ANKRD13C: variants seen among roughly 807,000 people sequenced by gnomAD.
ANKRD13C encodes the protein ankyrin repeat domain-containing protein 13C.
In ANKRD13C, 16 loss-of-function variants were observed where a neutral mutation model predicts 65.5. That is an observed-to-expected ratio of 0.24 (90% CI 0.17 to 0.37). The LOEUF is 0.37. ANKRD13C is among the 10% of genes least tolerant of loss of function. The pLI is 1.00. For synonymous variants in ANKRD13C, 235 were observed against 238.7 expected (o/e 0.98, Z 0.14); for missense variants, 503 against 655.9 (o/e 0.77, Z 2.55).
At chr1:70,308,738 C>CAAAA (rs781171233) in intron 5 of ANKRD13C, among the ~76,000 whole-genome samples, 187 of 74,146 alleles carry the variant, frequency 2.5e-3, no homozygotes, top group Non-Finnish European at 4.6e-3. Flanking sequence ...GACTCCGTCT[C>CAAAA]AAAAAAAAAA....
chr1:70,334,307 C>G (rs112365848), intron 2 of ANKRD13C, among the ~76,000 whole-genome samples: 1 of 151,964 alleles, frequency 6.6e-6, no homozygotes, highest in Non-Finnish European at 1.5e-5. Context: ...GTTTGGGCAA[C>G]GGAGCAAGAC....
intron 6 of ANKRD13C, among the ~76,000 whole-genome samples, chr1:70,304,828 G>A (rs1476798095): frequency 2.0e-5 from 3 of 152,172 alleles, no homozygotes; most frequent in Admixed American, 2.0e-4. Flanking sequence ...ACAAAAGGCT[G>A]CTGAATTAAA....
chr1:70,326,963 TA>T (rs1234232032), intron 2 of ANKRD13C, among the ~76,000 whole-genome samples: 2 of 151,170 alleles, frequency 1.3e-5, no homozygotes, highest in African/African-American at 4.9e-5. Context: ...TGCTACCTAA[TA>T]AATGTAGAAG....
At chr1:70,265,054 G>C (rs1286180645) in intron 12 of ANKRD13C, among the ~76,000 whole-genome samples, 1 of 152,138 alleles carries the variant, frequency 6.6e-6, no homozygotes, top group Non-Finnish European at 1.5e-5. Context: ...AGGAAGATTA[G>C]CAGGCGATGA....
At chr1:70,303,489 C>T in intron 6 of ANKRD13C, among the ~76,000 whole-genome samples, 1 of 152,198 alleles carries the variant, frequency 6.6e-6, no homozygotes, top group African/African-American at 2.4e-5. Flanking sequence ...TGAAGTAAGA[C>T]AAAAAGTGTA....
At chr1:70,273,674 C>CTT (rs571456040) in intron 11 of ANKRD13C, among the ~76,000 whole-genome samples, 3 of 146,280 alleles carry the variant, frequency 2.1e-5, no homozygotes, top group Non-Finnish European at 4.5e-5. Context: ...TTTCTTTTTT[C>CTT]TTTTTTTTTT....
chr1:70,305,074 A>ATAGTGAGACCC (rs1680532641), intron 6 of ANKRD13C, among the ~76,000 whole-genome samples: 2 of 152,144 alleles, frequency 1.3e-5, no homozygotes, highest in South Asian at 4.2e-4. Context: ...CCTGGGCAAT[A>ATAGTGAGACCC]TAGTGAGACC....
At chr1:70,302,780 TC>T (rs1680432240) in intron 6 of ANKRD13C, among the ~76,000 whole-genome samples, 1 of 147,256 alleles carries the variant, frequency 6.8e-6, no homozygotes, top group Admixed American at 6.7e-5. Context: ...AAGGGACTCT[TC>T]CCCTATCTCT....
At chr1:70,309,047 C>CTT (rs35526526) in intron 5 of ANKRD13C, among the ~76,000 whole-genome samples, 1 of 137,974 alleles carries the variant, frequency 7.2e-6, no homozygotes. Flanking sequence ...TCTTTCTTTC[C>CTT]TTTTTTTTTT....
intron 1 of ANKRD13C, among the ~76,000 whole-genome samples, chr1:70,346,922 T>C (rs1682550930): frequency 6.6e-6 from 1 of 151,600 alleles, no homozygotes; most frequent in African/African-American, 2.4e-5. Context: ...AAACCCCGTC[T>C]CTACTAAAAA....
intron 9 of ANKRD13C, among the ~76,000 whole-genome samples, chr1:70,289,475 T>A (rs6661416): frequency 0.11 from 16,762 of 151,920 alleles, 2,863 homozygotes; most frequent in African/African-American, 0.37. Context: ...AATTATTATT[T>A]TTTTTTTTTG....
chr1:70,303,271 T>C (rs1558285941), intron 6 of ANKRD13C, among the ~76,000 whole-genome samples: 1 of 152,220 alleles, frequency 6.6e-6, no homozygotes, highest in African/African-American at 2.4e-5. Context: ...ACGATAACAT[T>C]TTAAAGTCCT....
At chr1:70,345,127 C>G (rs1380878232) in intron 1 of ANKRD13C, among the ~76,000 whole-genome samples, 7 of 152,050 alleles carry the variant, frequency 4.6e-5, no homozygotes, top group Admixed American at 4.6e-4. Flanking sequence ...CCAAAATTCA[C>G]TTCTTAAAAG....
chr1:70,259,752 C>G lies in ANKRD13C; in HGVS notation c.*2965G>C, dbSNP rs1343861904. On this transcript the variant is annotated 3_prime_UTR_variant, in exon 13 of 13. Transcript: ENST00000370944. ...GGCAAGTTTTACACCAGTTGCTTTT[C>G]TCTAGCATGTTTGTAAATATGGGTA... Among the ~76,000 whole-genome samples the G allele has an allele frequency of 6.6e-6, 1 of 152,154 alleles. No homozygotes were observed.
chr1:70,294,810 G>C (rs1680011073), intron 8 of ANKRD13C, among the ~76,000 whole-genome samples: 2 of 151,964 alleles, frequency 1.3e-5, no homozygotes, highest in African/African-American at 2.4e-5. Flanking sequence ...ATTTTTTGTA[G>C]AGTCAGGGTC....
Position 70,279,501 on chromosome 1 carries a change from T to C in ANKRD13C, c.1216-2657A>G, listed in dbSNP as rs1057280722. 1.5e-4 allele frequency among the ~76,000 whole-genome samples: 13 copies of C among 84,062 alleles called. No homozygotes were observed. The East Asian group carries it at 2.5e-3, about 16-fold the overall frequency. 55.1% of individuals were successfully genotyped at this position (84,062 alleles called of 152,430 possible). On this transcript the variant is annotated intron_variant, in intron 9 of 12. Transcript: ENST00000370944. ...GTTCTAAGCCACTATTTTGAGCTAC[T>C]TTTTTTTTTTTTTTTTTTTTTTGAG...
intron 5 of ANKRD13C, 96 bp from the exon 6 acceptor site, chr1:70,306,386 C>A: frequency 1.5e-6 from 1 of 689,418 alleles, no homozygotes; most frequent in Non-Finnish European, 2.3e-6. Flanking sequence ...ATTCTGTTAT[C>A]AAATTATAAT....
At chr1:70,307,826 G>T (rs1246087933) in intron 5 of ANKRD13C, among the ~76,000 whole-genome samples, 3 of 152,138 alleles carry the variant, frequency 2.0e-5, no homozygotes, top group African/African-American at 7.2e-5. Context: ...GCAGGTACCT[G>T]TAGTCCTAGC....
chr1:70,331,974 A>T (rs1251156784), intron 2 of ANKRD13C, among the ~76,000 whole-genome samples: 2 of 152,206 alleles, frequency 1.3e-5, no homozygotes, highest in Admixed American at 6.5e-5. Flanking sequence ...AGAATTATAC[A>T]AACACATACA....
Sources: allele counts gnomAD v4.1 joint callset (sites outside exome capture counted in the v4.1 genomes callset), GRCh38; gene constraint gnomAD v4.1.1; transcripts MANE v1.5; gene names NCBI Gene and HGNC (gene_info 2026-07-23, HGNC 2026-07-21).